Variants in TIAM2 observed in about 807,000 individuals in gnomAD.
TIAM2 encodes rho guanine nucleotide exchange factor TIAM2.
TIAM2 carries 80 observed loss-of-function variants against 152.9 expected under a neutral mutation model. That is an observed-to-expected ratio of 0.52 (90% CI 0.44 to 0.63). The LOEUF (loss-of-function observed/expected upper bound fraction) is 0.63, where lower values mean the gene tolerates loss of function less well. TIAM2 is among the 30% of genes least tolerant of loss of function. The pLI is 0.00. For missense variants in TIAM2, 1,965 were observed against 2,120.1 expected (o/e 0.93, Z 1.44); for synonymous variants, 804 against 838.0 (o/e 0.96, Z 0.70).
At chr6:155,015,053 G>A (rs1445473046) in intron 1 of TIAM2, among the ~76,000 whole-genome samples, 1 of 152,120 alleles carries the variant, frequency 6.6e-6, no homozygotes. Context: ...AGTAGGGTGT[G>A]CATGCTGGAG....
rs752466289 is a variant in TIAM2 at position 155,165,330 on chromosome 6, A to G, written c.2282A>G (p.Lys761Arg). The G allele has an allele frequency of 1.9e-6, 3 of 1,614,172 alleles. No individual in the cohort carries two copies. The highest frequency in any genetic ancestry group is 2.2e-5 in the East Asian group (1 of 44,892). The change falls in exon 9 of 27, where the codon AAG becomes AGG. Residue 761 changes from lysine (K) to arginine (R), a missense_variant. Coordinates refer to ENST00000682666, the MANE Select transcript of TIAM2 (RefSeq NM_012454.4). ...TLSLTQRGRNKKGIFSSLKGL... is the reference protein window; with the variant it reads ...TLSLTQRGRNRKGIFSSLKGL... ...TCACTGACCCAGCGAGGGAGAAACAAGAAGGGAATATTTTCTTCGTTAAAA... is the reference window on the plus strand; with the variant it reads ...TCACTGACCCAGCGAGGGAGAAACAGGAAGGGAATATTTTCTTCGTTAAAA...
intron 15 of TIAM2, among the ~76,000 whole-genome samples, chr6:155,234,070 A>G (rs28413031): frequency 1.3e-5 from 2 of 151,766 alleles, no homozygotes; most frequent in South Asian, 2.1e-4. Flanking sequence ...AAATGTTTTT[A>G]TTTAATCTTT....
chr6:155,216,717 G>T (rs1204443189), intron 15 of TIAM2: 3 of 218,484 alleles, frequency 1.4e-5, no homozygotes, highest in Non-Finnish European at 2.7e-5. Flanking sequence ...AGTCCCCACA[G>T]ACATGCTGCC....
intron 1 of TIAM2, among the ~76,000 whole-genome samples, chr6:155,069,875 G>A (rs940612657): frequency 2.0e-5 from 3 of 150,286 alleles, no homozygotes; most frequent in Non-Finnish European, 3.0e-5. Context: ...GTATTGTGTA[G>A]CTTTGGAATG....
intron 2 of TIAM2, among the ~76,000 whole-genome samples, chr6:155,093,203 A>G (rs1004120049): frequency 6.6e-6 from 1 of 152,170 alleles, no homozygotes; most frequent in Non-Finnish European, 1.5e-5. Flanking sequence ...TAAAATAATG[A>G]TAATAATACA....
chr6:155,188,042 A>T (rs765811533), intron 14 of TIAM2, among the ~76,000 whole-genome samples: 37 of 152,138 alleles, frequency 2.4e-4, no homozygotes, highest in Non-Finnish European at 5.0e-4. Flanking sequence ...AGTAGGACTT[A>T]CTGTTTCCTG....
intron 1 of TIAM2, among the ~76,000 whole-genome samples, chr6:155,069,354 G>A (rs7769007): frequency 0.59 from 89,421 of 151,902 alleles, 26,514 homozygotes; most frequent in African/African-American, 0.65. Flanking sequence ...TCAGCCTCCC[G>A]AAATGCTGAG....
chr6:155,152,695 C>G (rs3805834), intron 7 of TIAM2, among the ~76,000 whole-genome samples: 7,754 of 152,018 alleles, frequency 0.051, 205 homozygotes, highest in South Asian at 0.063. Flanking sequence ...TAATCGTAGT[C>G]GAAGGGATGC....
chr6:155,251,252 C>G (rs1309898666), intron 22 of TIAM2, among the ~76,000 whole-genome samples: 2 of 152,208 alleles, frequency 1.3e-5, no homozygotes, highest in Non-Finnish European at 2.9e-5. Context: ...GTTACAGGAA[C>G]AGATCCCTGC....
chr6:155,085,573 A>C (rs967474930), intron 1 of TIAM2, among the ~76,000 whole-genome samples: 2 of 152,074 alleles, frequency 1.3e-5, no homozygotes, highest in Non-Finnish European at 2.9e-5. Flanking sequence ...TAAAAAAAAA[A>C]ACAACTTTGT....
chr6:155,063,306 A>G (rs17085907), intron 1 of TIAM2, among the ~76,000 whole-genome samples: 4,073 of 152,252 alleles, frequency 0.027, 182 homozygotes, highest in Admixed American at 0.13. Flanking sequence ...GCAGTTGATC[A>G]TATTGTGGTA....
intron 1 of TIAM2, chr6:155,016,462 A>G (rs974980453): frequency 8.0e-6 from 1 of 125,714 alleles, no homozygotes; most frequent in African/African-American, 2.7e-5. Flanking sequence ...AGAGATTGGT[A>G]GTATGGGAAT....
intron 2 of TIAM2, among the ~76,000 whole-genome samples, chr6:155,117,384 T>G (rs896636010): frequency 6.6e-6 from 1 of 152,134 alleles, no homozygotes; most frequent in Non-Finnish European, 1.5e-5. Context: ...CAGTAATATT[T>G]GTGGGATTGC....
intron 1 of TIAM2, among the ~76,000 whole-genome samples, chr6:155,045,840 C>CTTTTTTT (rs11354850): frequency 9.9e-5 from 6 of 60,496 alleles, no homozygotes; most frequent in South Asian, 7.8e-4. Flanking sequence ...ATAGTGCCCT[C>CTTTTTTT]TTTTTTTTTT....
chr6:155,212,179 A>C (rs888420709), intron 15 of TIAM2, among the ~76,000 whole-genome samples: 5 of 152,162 alleles, frequency 3.3e-5, no homozygotes, highest in African/African-American at 1.2e-4. Flanking sequence ...TTGGTGTAAG[A>C]GTTATCTGCG....
At chr6:155,066,466 T>C (rs1777696219) in intron 1 of TIAM2, among the ~76,000 whole-genome samples, 1 of 152,196 alleles carries the variant, frequency 6.6e-6, no homozygotes, top group African/African-American at 2.4e-5. Context: ...GCTTCTAGCA[T>C]GTGGAGGTTA....
At chr6:155,211,853 C>T (rs1781730116) in intron 15 of TIAM2, among the ~76,000 whole-genome samples, 1 of 152,128 alleles carries the variant, frequency 6.6e-6, no homozygotes, top group Admixed American at 6.5e-5. Flanking sequence ...AAACTCTGTA[C>T]CCCTTAAACA....
chr6:155,073,568 C>T (rs946228947), intron 1 of TIAM2, among the ~76,000 whole-genome samples: 10 of 152,080 alleles, frequency 6.6e-5, no homozygotes, highest in Admixed American at 3.9e-4. Flanking sequence ...CATTTCCTCT[C>T]ATTATAAACC....
intron 14 of TIAM2, among the ~76,000 whole-genome samples, chr6:155,201,998 C>T (rs1182894176): frequency 6.6e-6 from 1 of 150,830 alleles, no homozygotes; most frequent in East Asian, 1.9e-4. Flanking sequence ...AACATTCAGA[C>T]TGCTGCTTTG....
Sources: gnomAD v4.1 joint callset for allele counts (sites outside exome capture counted in the v4.1 genomes callset) on GRCh38, gnomAD v4.1.1 for gene constraint, MANE v1.5 for transcripts, NCBI Gene and HGNC (gene_info 2026-07-23, HGNC 2026-07-21) for gene names.